The following STAU2 variants were observed in gnomAD, a reference collection of about 807,000 sequenced individuals.
STAU2 encodes staufen double-stranded RNA binding protein 2.
In STAU2, 20 loss-of-function variants were observed where a neutral mutation model predicts 65.9. That is an observed-to-expected ratio of 0.30 (90% CI 0.21 to 0.44). The LOEUF (loss-of-function observed/expected upper bound fraction) is 0.44, where lower values mean the gene tolerates loss of function less well. STAU2 is among the 20% of genes least tolerant of loss of function. The pLI is 1.00. For missense variants in STAU2, 558 were observed against 683.9 expected, an observed-to-expected ratio of 0.82 and a Z score of 2.05; for synonymous variants, 232 against 233.9, an observed-to-expected ratio of 0.99 and a Z score of 0.07.
chr8:73,719,143 C>T (rs1027685978), intron 3 of STAU2, among the ~76,000 whole-genome samples: 2 of 152,284 alleles, frequency 1.3e-5, no homozygotes, highest in East Asian at 3.9e-4. Context: ...GTGGCTCACG[C>T]CTGTAATCCC....
At chr8:73,617,537 T>A in intron 6 of STAU2, 86 bp from the exon 7 acceptor site, 1 of 1,302,284 alleles carries the variant, frequency 7.7e-7, no homozygotes, top group Non-Finnish European at 1.1e-6. Context: ...ATGATACCAA[T>A]TATATAATGT....
At position 73,570,779 on chromosome 8, in the gene STAU2, G is replaced by C. The variant is rs956400683; in HGVS notation, c.1222+11991C>G. ...GGCAGAAACTCTACAAGCCAGAAGA[G>C]AGTGGGGGCCAATATTCACCATTCT... On this transcript the variant is annotated intron_variant, in intron 12 of 14. Transcript: ENST00000524300. Among the ~76,000 whole-genome samples, 7 of 152,336 alleles carry C rather than the reference G, an allele frequency of 4.6e-5. No homozygotes were observed. In the East Asian group the frequency reaches 1.2e-3, roughly 25 times the overall value.
intron 9 of STAU2, among the ~76,000 whole-genome samples, chr8:73,605,690 T>G (rs1811956574): frequency 1.3e-5 from 2 of 151,120 alleles, no homozygotes; most frequent in South Asian, 2.1e-4. Flanking sequence ...ACCAAAATTT[T>G]GGGGGAAAAA....
chr8:73,656,117 GA>G (rs1816351464), intron 6 of STAU2, among the ~76,000 whole-genome samples: 1 of 152,096 alleles, frequency 6.6e-6, no homozygotes, highest in African/African-American at 2.4e-5. Context: ...AATATTAATG[GA>G]CATGAAACTC....
rs1425371366 is a variant in STAU2, at chr8:73,507,732, A to G, written c.1530+44280T>C. On this transcript the variant is annotated intron_variant, in intron 13 of 14. Transcript: ENST00000524300. ...AAATCCCAGATGGTATCTTCTTCCA[A>G]TAGAAGGCTGTTTTGCCTCCACTGA... 2.6e-5 allele frequency among the ~76,000 whole-genome samples: 4 copies of G among 152,226 alleles called. No homozygotes were observed. In the East Asian group the frequency reaches 7.7e-4, roughly 29 times the overall value.
At chr8:73,503,486 A>C (rs967770485) in intron 13 of STAU2, among the ~76,000 whole-genome samples, 1 of 151,980 alleles carries the variant, frequency 6.6e-6, no homozygotes, top group Non-Finnish European at 1.5e-5. Context: ...ACAGTGAATT[A>C]CTATTTGAAA....
chr8:73,624,435 G>C (rs1334351135), intron 6 of STAU2, among the ~76,000 whole-genome samples: 6 of 152,068 alleles, frequency 3.9e-5, no homozygotes, highest in African/African-American at 4.8e-5. Context: ...TGGATATATA[G>C]ATAAATCATT....
intron 6 of STAU2, among the ~76,000 whole-genome samples, chr8:73,641,156 TG>T (rs1203419299): frequency 3.9e-5 from 6 of 152,164 alleles, no homozygotes; most frequent in African/African-American, 1.4e-4. Context: ...TCCTGGAGCC[TG>T]GGTGACATGG....
intron 4 of STAU2, among the ~76,000 whole-genome samples, chr8:73,689,895 T>G (rs1255518535): frequency 6.6e-6 from 1 of 151,644 alleles, no homozygotes; most frequent in East Asian, 1.9e-4. Context: ...TGGCCAAAAA[T>G]GTTTAATCTG....
rs538176067 is a variant in STAU2, at chr8:73,716,271, G to T, written c.-17-7109C>A. On this transcript the variant is annotated intron_variant, in intron 3 of 14. Transcript: ENST00000524300. The stretch of plus-strand genomic sequence containing the variant: ...GCCCAGCTAATTTTTTGTATTTTTA[G>T]TAGAGACGGGGTTTCTCCATGTTGG... Among the ~76,000 whole-genome samples, 19 of 152,150 alleles carry T rather than the reference G, an allele frequency of 1.2e-4. No homozygotes were observed. The South Asian group carries it at 3.9e-3, about 32-fold the overall frequency.
intron 1 of STAU2, among the ~76,000 whole-genome samples, chr8:73,744,688 A>G (rs894439248): frequency 3.3e-5 from 5 of 152,134 alleles, no homozygotes; most frequent in Admixed American, 2.0e-4. Context: ...AAAATGTAAA[A>G]TTTGCATGGT....
Position 73,473,309 on chromosome 8 carries a change from G to A in STAU2, c.1531-50607C>T, listed in dbSNP as rs193114577. Among the ~76,000 whole-genome samples, 250 of 152,194 alleles carry A rather than the reference G, an allele frequency of 1.6e-3. 1 individual carries two copies. The highest frequency in any genetic ancestry group is 2.7e-3 in the Non-Finnish European group (184 of 68,006). On this transcript the variant is annotated intron_variant, in intron 13 of 14. Transcript: ENST00000524300. ...AAGAGCTGTATACTGGGGAAAATAC[G>A]CCTAAGACTCTTGGAGCATCCCAGA...
chr8:73,675,029 A>G (rs1049063474), intron 5 of STAU2, among the ~76,000 whole-genome samples: 7 of 151,930 alleles, frequency 4.6e-5, no homozygotes, highest in Non-Finnish European at 7.4e-5. Context: ...ATATTCCAAG[A>G]CAGACCACAT....
chr8:73,648,287 G>C (rs1459743235), intron 6 of STAU2, among the ~76,000 whole-genome samples: 1 of 152,088 alleles, frequency 6.6e-6, no homozygotes, highest in Non-Finnish European at 1.5e-5. Context: ...TCTGAAGTGA[G>C]GCTTCGAGTG....
chr8:73,649,866 ATTTT>A (rs1391680372), intron 6 of STAU2, among the ~76,000 whole-genome samples: 1 of 40,226 alleles, frequency 2.5e-5, no homozygotes, highest in Non-Finnish European at 4.8e-5. Context: ...CTTCTATATA[ATTTT>A]ATATATATAT....
At chr8:73,656,239 G>A (rs1816362645) in intron 6 of STAU2, among the ~76,000 whole-genome samples, 1 of 152,060 alleles carries the variant, frequency 6.6e-6, no homozygotes, top group Non-Finnish European at 1.5e-5. Context: ...ACTTATTTCA[G>A]GTATAATCAC....
intron 13 of STAU2, among the ~76,000 whole-genome samples, chr8:73,462,891 G>A (rs936704124): frequency 1.1e-4 from 17 of 152,266 alleles, no homozygotes; most frequent in Non-Finnish European, 2.2e-4. Context: ...AAGACTATGG[G>A]ATTCCAGAGG....
intron 13 of STAU2, among the ~76,000 whole-genome samples, chr8:73,493,919 T>C (rs755627339): frequency 1.3e-5 from 2 of 151,754 alleles, no homozygotes; most frequent in South Asian, 4.1e-4. Context: ...AAACAAATTA[T>C]GGATACACAG....
At position 73,506,052 on chromosome 8, in the gene STAU2, G is replaced by A. The variant is rs572387509; in HGVS notation, c.1530+45960C>T. On this transcript the variant is annotated intron_variant, in intron 13 of 14. Transcript: ENST00000524300. ...CTCATCAGAAGCCAAGCAGATGTTG[G>A]TGCCACCCTTGCTGTATAGCCTGCA... 2.0e-5 allele frequency among the ~76,000 whole-genome samples: 3 copies of A among 152,206 alleles called. No homozygotes were observed. The South Asian group carries it at 6.2e-4, about 32-fold the overall frequency.
Sources: allele counts gnomAD v4.1 joint callset (sites outside exome capture counted in the v4.1 genomes callset), GRCh38; gene constraint gnomAD v4.1.1; transcripts MANE v1.5; gene names NCBI Gene and HGNC (gene_info 2026-07-23, HGNC 2026-07-21).